Variants in SYNE1 observed in about 807,000 individuals in gnomAD.
SYNE1 encodes nesprin-1.
In SYNE1, 616 loss-of-function variants were observed where a neutral mutation model predicts 1,111.0. The ratio of observed to expected loss-of-function variants is 0.55; its 90% CI spans 0.52 to 0.59. The LOEUF is 0.59. SYNE1 is among the 20% of genes least tolerant of loss of function. The probability of loss-of-function intolerance (pLI) is 0.00; values close to 1 mark genes in which losing one functional copy is unlikely to be tolerated. For missense variants in SYNE1, 10,006 were observed against 10,417.0 expected, an observed-to-expected ratio of 0.96 and a Z score of 1.72; for synonymous variants, 3,855 against 3,825.8, an observed-to-expected ratio of 1.01 and a Z score of -0.28.
chr6:152,208,024 C>A lies in SYNE1; in HGVS notation c.22772G>T (p.Gly7591Val). ...TTGTTGCAGTGGTATAGGAACACTT[C>A]CGAGACCACTCATGGGGAGGTAGGA... ...EVSYLPMSGL[G>V]SVPIPLQQAR... The change falls in exon 125 of 146, where the codon GGA becomes GTA. Residue 7591 changes from glycine to valine, a missense_variant. Gly to Val is a moderately radical substitution (Grantham distance 109, BLOSUM62 -3). Around this residue, in one of 7 missense-constraint regions of SYNE1, gnomAD observed 2,182 missense variants for 2,287.8 expected, o/e 0.95. Transcript: ENST00000367255. 3 of 1,614,156 alleles carry A rather than the reference C, an allele frequency of 1.9e-6. No individual in the cohort carries two copies. The highest frequency in any genetic ancestry group is 2.5e-6 in the Non-Finnish European group (3 of 1,180,032).
At chr6:152,203,764 C>A (rs1388143169) in intron 126 of SYNE1, among the ~76,000 whole-genome samples, 1 of 152,104 alleles carries the variant, frequency 6.6e-6, no homozygotes, top group Non-Finnish European at 1.5e-5. Context: ...GCACAAGTCT[C>A]ATTTCTCTTT....
In SYNE1 at chr6:152,352,373, G is replaced by T. The variant is rs914830435; in HGVS notation, c.11254-20C>A. The T allele has an allele frequency of 6.2e-6, 10 of 1,611,006 alleles. No homozygotes were observed. The African/African-American group carries it at 1.3e-4, about 22-fold the overall frequency. On this transcript the variant is annotated intron_variant, in intron 69 of 145. Coordinates refer to ENST00000367255, the MANE Select transcript of SYNE1 (RefSeq NM_182961.4). Reference sequence around the variant, plus strand: ...CAAAACCTGAAAAAGAGAGTGAGTAGGAGCAAAGGTAGTCTTGTTTCTTTT... The same window carrying T: ...CAAAACCTGAAAAAGAGAGTGAGTATGAGCAAAGGTAGTCTTGTTTCTTTT...
chr6:152,260,403 T>A (rs1439336361), intron 101 of SYNE1, among the ~76,000 whole-genome samples: 1 of 152,060 alleles, frequency 6.6e-6, no homozygotes, highest in Non-Finnish European at 1.5e-5. Context: ...ACGCAAAAAG[T>A]ATAGGGCACC....
intron 3 of SYNE1, among the ~76,000 whole-genome samples, chr6:152,551,697 C>T (rs1242230831): frequency 6.6e-6 from 1 of 152,218 alleles, no homozygotes; most frequent in Non-Finnish European, 1.5e-5. Flanking sequence ...TACCCTCCTA[C>T]TGTTTGCTAC....
Position 152,310,092 on chromosome 6 carries a change from T to C in SYNE1, c.17020-75A>G, listed in dbSNP as rs1353374109. 4.0e-6 allele frequency: 6 copies of C among 1,492,654 alleles called. No individual in the cohort carries two copies. In the African/African-American group the frequency reaches 4.2e-5, roughly 11 times the overall value. 92.5% of individuals were successfully genotyped at this position (1,492,654 alleles called of 1,614,324 possible). On this transcript the variant is annotated intron_variant, in intron 89 of 145. Transcript: ENST00000367255. ...TTCATAAGCAAAAGGCACTAAATTA[T>C]AGTTACGTTGCAAGTTATAAACATT...
At chr6:152,185,673 T>A (rs2069646930) in intron 128 of SYNE1, among the ~76,000 whole-genome samples, 1 of 152,252 alleles carries the variant, frequency 6.6e-6, no homozygotes, top group Non-Finnish European at 1.5e-5. Context: ...GTATTCCGTT[T>A]GCTGTTTCTT....
chr6:152,459,637 A>T (rs1187227973), intron 21 of SYNE1, among the ~76,000 whole-genome samples: 1 of 152,210 alleles, frequency 6.6e-6, no homozygotes, highest in Non-Finnish European at 1.5e-5. Flanking sequence ...CTTAAAGATG[A>T]GGCCACTAGC....
chr6:152,126,292 T>TGAA (rs1371435788), intron 145 of SYNE1: 3 of 152,174 alleles, frequency 2.0e-5, no homozygotes, highest in African/African-American at 7.2e-5. Context: ...AGCTGCCTCA[T>TGAA]CTTCAGGGGG....
chr6:152,370,207 C>T (rs1434497289), intron 59 of SYNE1, among the ~76,000 whole-genome samples: 1 of 152,038 alleles, frequency 6.6e-6, no homozygotes, highest in Non-Finnish European at 1.5e-5. Context: ...GTTGTCTATA[C>T]CATGCCTATA....
intron 3 of SYNE1, among the ~76,000 whole-genome samples, chr6:152,620,372 T>G (rs894797420): frequency 6.6e-6 from 1 of 152,152 alleles, no homozygotes; most frequent in Non-Finnish European, 1.5e-5. Context: ...TTAAACACTA[T>G]CTCTGTGCTG....
At chr6:152,254,851 C>G (rs755513989) in intron 104 of SYNE1, 29 bp downstream of exon 104, 1 of 1,592,480 alleles carries the variant, frequency 6.3e-7, no homozygotes. Flanking sequence ...AGAGAATGGT[C>G]ACGTATCCTT....
At chr6:152,154,816 A>G in intron 133 of SYNE1, 76 bp downstream of exon 133, 1 of 1,523,660 alleles carries the variant, frequency 6.6e-7, no homozygotes, top group Non-Finnish European at 9.1e-7. Context: ...CAGCTAGTTT[A>G]GGTCTTGGAA....
chr6:152,443,815 T>C (rs2098553718), intron 30 of SYNE1, among the ~76,000 whole-genome samples: 1 of 152,204 alleles, frequency 6.6e-6, no homozygotes. Flanking sequence ...ATATATTCCT[T>C]TTATGCAAAC....
At chr6:152,595,281 A>C (rs1362938750) in intron 3 of SYNE1, among the ~76,000 whole-genome samples, 1 of 152,158 alleles carries the variant, frequency 6.6e-6, no homozygotes, top group African/African-American at 2.4e-5. Flanking sequence ...GTTCAATAAA[A>C]CTGATTTCTC....
intron 87 of SYNE1, 156 bp from the exon 88 acceptor site, chr6:152,311,029 T>C: frequency 1.4e-6 from 1 of 728,148 alleles, no homozygotes; most frequent in Non-Finnish European, 2.4e-6. Flanking sequence ...TGGTAGCCAC[T>C]TACTATTATA....
chr6:152,571,816 A>G (rs1225500028), intron 3 of SYNE1, among the ~76,000 whole-genome samples: 1 of 152,242 alleles, frequency 6.6e-6, no homozygotes, highest in Non-Finnish European at 1.5e-5. Context: ...AAAAGGAAAG[A>G]GTAACATGTA....
Position 152,330,776 on chromosome 6 carries a change from C to G in SYNE1, c.13909G>C (p.Asp4637His). 6.2e-7 allele frequency: 1 copy of G among 1,613,858 alleles called. No homozygotes were observed. The highest frequency in any genetic ancestry group is 8.5e-7 in the Non-Finnish European group (1 of 1,180,038). The change falls in exon 78 of 146, where the codon GAT becomes CAT. Residue 4637 changes from aspartate to histidine, a missense_variant. Asp to His is a moderately conservative substitution (Grantham distance 81). Around this residue, in one of 7 missense-constraint regions of SYNE1, gnomAD observed 4,955 missense variants for 5,017.2 expected, o/e 0.99. Coordinates refer to ENST00000367255, the MANE Select transcript of SYNE1 (RefSeq NM_182961.4). Reference sequence around the variant, plus strand: ...AGCTTTTCACTGAGGTAGGAATGATCGACTTCATTCAGCGATGGTAATATG... The same window carrying G: ...AGCTTTTCACTGAGGTAGGAATGATGGACTTCATTCAGCGATGGTAATATG... The part of the protein sequence containing the change: ...QTILPSLNEV[D>H]HSYLSEKLNA...
At chr6:152,157,778 A>G (rs1430624917) in intron 131 of SYNE1, among the ~76,000 whole-genome samples, 1 of 134,248 alleles carries the variant, frequency 7.4e-6, no homozygotes, top group African/African-American at 2.9e-5. Flanking sequence ...TTTTTTTTTT[A>G]GATGGAGTCT....
At chr6:152,136,937 T>C in intron 140 of SYNE1, 119 bp from the exon 141 acceptor site, 8 of 1,122,264 alleles carry the variant, frequency 7.1e-6, no homozygotes, top group Non-Finnish European at 1.0e-5. Context: ...ACAGGATGGC[T>C]AGGTAAAAGA....
Sources: gnomAD v4.1 joint callset for allele counts (sites outside exome capture counted in the v4.1 genomes callset) on GRCh38, gnomAD v4.1.1 for gene constraint, gnomAD v4.1.1 regional missense constraint, MANE v1.5 for transcripts, NCBI Gene and HGNC (gene_info 2026-07-23, HGNC 2026-07-21) for gene names.